The following DPF3 variants were observed in gnomAD, a reference collection of about 807,000 sequenced individuals.
The protein encoded by DPF3 is double PHD fingers 3, also known as zinc finger protein DPF3.
DPF3 carries 18 observed loss-of-function variants against 56.8 expected under a neutral mutation model. The observed-to-expected ratio is 0.32, with a 90% CI of 0.22 to 0.47. The LOEUF is 0.47. DPF3 is among the 20% of genes least tolerant of loss of function. The pLI is 1.00. For missense variants in DPF3, 403 were observed against 488.8 expected (o/e 0.82, Z 1.65); for synonymous variants, 188 against 180.2 (o/e 1.04, Z -0.35).
chr14:72,863,391 G>A (rs1329099393), intron 1 of DPF3, among the ~76,000 whole-genome samples: 2 of 151,702 alleles, frequency 1.3e-5, no homozygotes, highest in African/African-American at 4.8e-5. Flanking sequence ...ACAAGTTTCA[G>A]GGGAAGAGAA....
chr14:72,829,938 G>A (rs1401603362), intron 1 of DPF3, among the ~76,000 whole-genome samples: 1 of 152,096 alleles, frequency 6.6e-6, no homozygotes, highest in Non-Finnish European at 1.5e-5. Flanking sequence ...TAGAGATGGG[G>A]TTTCACCATG....
chr14:72,800,489 GATGGATGGATGGATGC>G (rs1176144972), intron 1 of DPF3, among the ~76,000 whole-genome samples: 2 of 151,726 alleles, frequency 1.3e-5, no homozygotes, highest in African/African-American at 2.4e-5. Flanking sequence ...TGGATGCTTG[GATGGATGGATGGATGC>G]ATGGATGGAT....
intron 9 of DPF3, 98 bp from the exon 10 acceptor site, chr14:72,620,082 T>A: frequency 8.0e-7 from 1 of 1,249,342 alleles, no homozygotes; most frequent in Non-Finnish European, 1.1e-6. Context: ...TCCACGTCGG[T>A]CTCACTGGAT....
intron 8 of DPF3, among the ~76,000 whole-genome samples, chr14:72,673,857 A>G (rs1221839927): frequency 6.6e-6 from 1 of 152,202 alleles, no homozygotes; most frequent in African/African-American, 2.4e-5. Flanking sequence ...GGTTTGCCCT[A>G]GGCACTTCCA....
chr14:72,616,904 G>A lies in DPF3; in HGVS notation c.*2393C>T, dbSNP rs1481167167. Among the ~76,000 whole-genome samples the A allele has an allele frequency of 6.6e-6, 1 of 152,184 alleles. No homozygotes were observed. The highest frequency in any genetic ancestry group is 2.1e-4 in the South Asian group (1 of 4,820). Reference sequence around the variant, plus strand: ...ACAGTGCCAGCCCACAAGCTGGCTTGCTATCCCCGCTTTCCAGATGGGGAA... The same window carrying A: ...ACAGTGCCAGCCCACAAGCTGGCTTACTATCCCCGCTTTCCAGATGGGGAA... On this transcript the variant is annotated 3_prime_UTR_variant, in exon 11 of 11. Transcript: ENST00000556509.
intron 1 of DPF3, among the ~76,000 whole-genome samples, chr14:72,829,347 C>T (rs374327894): frequency 1.3e-5 from 2 of 152,318 alleles, no homozygotes; most frequent in African/African-American, 4.8e-5. Flanking sequence ...CATTGCCTTA[C>T]TTACAACATG....
Position 72,612,394 on chromosome 14 carries a change from C to T in DPF3, c.*6903G>A. On this transcript the variant is annotated 3_prime_UTR_variant, in exon 11 of 11. Coordinates refer to ENST00000556509, the MANE Select transcript of DPF3 (RefSeq NM_001280542.3). ...CTCTGAGATAATCATTCTATATTTT[C>T]ATGCTCTTGCTCACATATCAGGCAG... 2.0e-6 allele frequency: 1 copy of T among 498,976 alleles called. No individual in the cohort carries two copies. The highest frequency in any genetic ancestry group is 4.0e-6 in the Non-Finnish European group (1 of 249,144). The allele number at this position is 498,976 out of a possible 1,614,324, so 30.9% of individuals were successfully genotyped here. A position where few individuals can be genotyped will look rare whatever the true frequency, so the allele number is the denominator to read the frequency against.
intron 9 of DPF3, among the ~76,000 whole-genome samples, chr14:72,626,568 TCAA>T (rs1057037656): frequency 1.3e-5 from 2 of 152,172 alleles, no homozygotes; most frequent in African/African-American, 4.8e-5. Context: ...CATTGTTTAT[TCAA>T]CAACTACTCT....
chr14:72,709,696 C>A (rs1025881307), intron 6 of DPF3, among the ~76,000 whole-genome samples: 1 of 151,974 alleles, frequency 6.6e-6, no homozygotes, highest in Admixed American at 6.6e-5. Flanking sequence ...GGATCATATC[C>A]CACTGTTCGC....
At chr14:72,780,958 C>T (rs1401083031) in intron 1 of DPF3, among the ~76,000 whole-genome samples, 2 of 152,184 alleles carry the variant, frequency 1.3e-5, no homozygotes, top group Non-Finnish European at 1.5e-5. Context: ...GGGTGGGAAG[C>T]TGTGCAATTC....
chr14:72,765,962 C>T (rs961977453), intron 2 of DPF3, among the ~76,000 whole-genome samples: 1 of 152,014 alleles, frequency 6.6e-6, no homozygotes, highest in Non-Finnish European at 1.5e-5. Context: ...GTATAGAAAG[C>T]AAATCAATGG....
intron 1 of DPF3, among the ~76,000 whole-genome samples, chr14:72,790,474 T>A (rs1194887556): frequency 6.6e-6 from 1 of 152,150 alleles, no homozygotes; most frequent in Non-Finnish European, 1.5e-5. Context: ...ACACTTTATT[T>A]TATGCAAACT....
Position 72,781,718 on chromosome 14 carries a change from C to T in DPF3, c.33-9825G>A, listed in dbSNP as rs749530781. 1.3e-4 allele frequency among the ~76,000 whole-genome samples: 4 copies of T among 31,484 alleles called. No homozygotes were observed. In the East Asian group the frequency reaches 1.8e-3, roughly 14 times the overall value. 20.7% of individuals were successfully genotyped at this position (31,484 alleles called of 152,430 possible). ...CTTCCAGTAAATAATGGTGGGGTGG[C>T]GGGGGAGGTGGGAAGGGGACGCTCC... On this transcript the variant is annotated intron_variant, in intron 1 of 10. Transcript: ENST00000556509.
At chr14:72,837,948 G>T (rs1334302663) in intron 1 of DPF3, among the ~76,000 whole-genome samples, 1 of 152,150 alleles carries the variant, frequency 6.6e-6, no homozygotes, top group African/African-American at 2.4e-5. Flanking sequence ...GAAGACCCCA[G>T]CCTGCTGCAA....
chr14:72,734,220 G>A (rs1392225536), intron 3 of DPF3, among the ~76,000 whole-genome samples: 2 of 152,188 alleles, frequency 1.3e-5, no homozygotes, highest in African/African-American at 4.8e-5. Flanking sequence ...ACGAATTGTC[G>A]TAAATGTTAG....
chr14:72,706,449 G>A (rs2153574737), intron 6 of DPF3, among the ~76,000 whole-genome samples: 1 of 152,292 alleles, frequency 6.6e-6, no homozygotes, highest in African/African-American at 2.4e-5. Context: ...ATAAGACCAA[G>A]GTGGGGGAAA....
At chr14:72,885,716 C>T (rs1886520221) in intron 1 of DPF3, among the ~76,000 whole-genome samples, 2 of 151,956 alleles carry the variant, frequency 1.3e-5, no homozygotes, top group African/African-American at 4.8e-5. Flanking sequence ...TTTTACAGTC[C>T]AAAAATGAAG....
chr14:72,672,404 G>T (rs1255288984), intron 8 of DPF3, among the ~76,000 whole-genome samples: 2 of 152,142 alleles, frequency 1.3e-5, no homozygotes, highest in Non-Finnish European at 2.9e-5. Flanking sequence ...GGACCGTAGG[G>T]AGGCTCCAGA....
intron 8 of DPF3, chr14:72,662,320 T>G (rs573315492): frequency 2.0e-6 from 2 of 984,842 alleles, no homozygotes; most frequent in Non-Finnish European, 2.4e-6. Context: ...TGCAGTCTTT[T>G]ATTTTACATT....
Sources: allele counts gnomAD v4.1 joint callset (sites outside exome capture counted in the v4.1 genomes callset), GRCh38; gene constraint gnomAD v4.1.1; transcripts MANE v1.5; gene names NCBI Gene and HGNC (gene_info 2026-07-23, HGNC 2026-07-21).